TRDN: variants seen among roughly 807,000 people sequenced by gnomAD.
TRDN encodes the protein triadin in skeletal muscle.
Under a neutral mutation model 149.7 loss-of-function variants are expected in TRDN, and 161 were observed. The observed-to-expected ratio is 1.08, with a 90% confidence interval of 0.95 to 1.23. The LOEUF (loss-of-function observed/expected upper bound fraction) is 1.23, where lower values mean the gene tolerates loss of function less well. Among genes scored for constraint, TRDN ranks in the 50% most tolerant of loss-of-function variants. The pLI, the probability that TRDN is intolerant of heterozygous loss-of-function variation, is 0.00. For synonymous variants in TRDN, 294 were observed against 250.5 expected (o/e 1.17, Z -1.64); for missense variants, 896 against 823.5 (o/e 1.09, Z -1.08).
intron 38 of TRDN, among the ~76,000 whole-genome samples, chr6:123,225,238 G>A (rs1304064218): frequency 3.3e-5 from 5 of 151,610 alleles, no homozygotes; most frequent in African/African-American, 1.2e-4. Flanking sequence ...GAGATGTGCT[G>A]GTGAGGATTT....
chr6:123,513,509 T>A (rs1482585721), intron 6 of TRDN, among the ~76,000 whole-genome samples: 1 of 152,122 alleles, frequency 6.6e-6, no homozygotes, highest in Non-Finnish European at 1.5e-5. Context: ...AGCAGATTAT[T>A]TCATTGAGTC....
chr6:123,566,217 T>C (rs1782288483), intron 2 of TRDN, among the ~76,000 whole-genome samples: 1 of 152,234 alleles, frequency 6.6e-6, no homozygotes, highest in South Asian at 2.1e-4. Context: ...TTGTCTCATT[T>C]GATAAGAAGA....
chr6:123,351,777 T>C (rs1435377768), intron 21 of TRDN: 1 of 919,456 alleles, frequency 1.1e-6, no homozygotes, highest in Non-Finnish European at 1.3e-6. Context: ...TTATTGCAAG[T>C]TCTAATTTAA....
intron 38 of TRDN, among the ~76,000 whole-genome samples, chr6:123,234,273 A>G (rs889985063): frequency 2.9e-4 from 44 of 152,252 alleles, no homozygotes; most frequent in African/African-American, 9.4e-4. Flanking sequence ...AACAGAAGTC[A>G]TTTTATAAAA....
Position 123,555,246 on chromosome 6 carries a change from T to A in TRDN, c.233-6634A>T, listed in dbSNP as rs139088441. Among the ~76,000 whole-genome samples, 960 of 152,290 alleles carry A rather than the reference T, an allele frequency of 6.3e-3. 13 individuals carry two copies. Among genetic ancestry groups the A allele is most frequent in the African/African-American group, 0.021 (887 of 41,576 alleles). On this transcript the variant is annotated intron_variant, in intron 2 of 40. Transcript: ENST00000334268. ...TCACTGATGTTAGAACTGCCGTTTTTAATTTTGTCATCACGGTGGAAGAGA... is the reference window on the plus strand; with the variant it reads ...TCACTGATGTTAGAACTGCCGTTTTAAATTTTGTCATCACGGTGGAAGAGA...
At chr6:123,271,055 G>GTA in intron 30 of TRDN, 84 bp downstream of exon 30, 1 of 717,894 alleles carries the variant, frequency 1.4e-6, no homozygotes. Flanking sequence ...GTGTGTGTGT[G>GTA]TGTGTGTGTC....
Position 123,308,917 on chromosome 6 carries a change from TA to T in TRDN, c.1510+7539del, listed in dbSNP as rs533903231. Among the ~76,000 whole-genome samples the T allele has an allele frequency of 3.9e-5, 6 of 152,154 alleles. No individual in the cohort carries two copies. In the South Asian group the frequency reaches 1.2e-3, roughly 32 times the overall value. Reference sequence around the variant, plus strand: ...CAAAGCTGAGTGATTTTTTAAAACTTAAAAAATCATTTACTGAACATTAGTC... The same window carrying T: ...CAAAGCTGAGTGATTTTTTAAAACTTAAAAATCATTTACTGAACATTAGTC... On this transcript the variant is annotated intron_variant, in intron 24 of 40. Transcript: ENST00000334268.
chr6:123,558,456 T>C (rs554997762), intron 2 of TRDN, among the ~76,000 whole-genome samples: 8 of 152,272 alleles, frequency 5.3e-5, no homozygotes, highest in African/African-American at 1.9e-4. Context: ...AAAAGGTGGC[T>C]GGAGCTAAAA....
chr6:123,559,677 A>G (rs1381626457), intron 2 of TRDN, among the ~76,000 whole-genome samples: 3 of 152,214 alleles, frequency 2.0e-5, no homozygotes, highest in Admixed American at 1.3e-4. Context: ...CTGCTACAGC[A>G]TGGCTTTTAA....
chr6:123,633,897 ATC>A (rs1403938868), intron 1 of TRDN, among the ~76,000 whole-genome samples: 11 of 152,114 alleles, frequency 7.2e-5, no homozygotes, highest in African/African-American at 2.6e-4. Context: ...TTATCCTCAG[ATC>A]TCTCCTAATT....
chr6:123,264,874 T>C (rs2114597589), intron 33 of TRDN, among the ~76,000 whole-genome samples: 1 of 152,172 alleles, frequency 6.6e-6, no homozygotes, highest in Middle Eastern at 3.4e-3. Context: ...AATTAAGCTA[T>C]GTACATTTTT....
At chr6:123,365,333 A>G (rs1233473420) in intron 20 of TRDN, among the ~76,000 whole-genome samples, 1 of 147,888 alleles carries the variant, frequency 6.8e-6, no homozygotes, top group Non-Finnish European at 1.5e-5. Context: ...ACATTAATTT[A>G]TACTGTATCA....
intron 38 of TRDN, among the ~76,000 whole-genome samples, chr6:123,228,877 AG>A (rs887053116): frequency 1.3e-5 from 2 of 151,846 alleles, no homozygotes; most frequent in African/African-American, 2.4e-5. Flanking sequence ...TTAAAATGAG[AG>A]GGGGTGCTAA....
chr6:123,482,756 T>C (rs1777801961), intron 9 of TRDN, among the ~76,000 whole-genome samples: 1 of 152,152 alleles, frequency 6.6e-6, no homozygotes, highest in Admixed American at 6.5e-5. Flanking sequence ...AAATTGGAAT[T>C]GGAATTGTGC....
At chr6:123,293,491 G>A (rs1016932207) in intron 24 of TRDN, among the ~76,000 whole-genome samples, 1 of 152,092 alleles carries the variant, frequency 6.6e-6, no homozygotes, top group African/African-American at 2.4e-5. Context: ...TTGTAAGTTA[G>A]GAGACCATAT....
chr6:123,486,758 A>T (rs1777990961), intron 9 of TRDN, among the ~76,000 whole-genome samples: 2 of 152,082 alleles, frequency 1.3e-5, no homozygotes, highest in East Asian at 1.9e-4. Context: ...CCTTGGCTTC[A>T]TGAGGGCAGG....
Position 123,627,376 on chromosome 6 carries a change from T to C in TRDN, c.22+9378A>G, listed in dbSNP as rs541997923. Reference sequence around the variant, plus strand: ...AGCTCTTGGGTGACCAGGTGCATTGTCAATAAGCAGAAATACTTTGGAAGA... The same window carrying C: ...AGCTCTTGGGTGACCAGGTGCATTGCCAATAAGCAGAAATACTTTGGAAGA... On this transcript the variant is annotated intron_variant, in intron 1 of 40. Coordinates refer to ENST00000334268, the MANE Select transcript of TRDN (RefSeq NM_006073.4). 3.3e-5 allele frequency among the ~76,000 whole-genome samples: 5 copies of C among 152,308 alleles called. No homozygotes were observed. In the South Asian group the frequency reaches 1.0e-3, roughly 32 times the overall value.
At chr6:123,271,330 A>G (rs1777199393) in intron 29 of TRDN, 144 bp from the exon 30 acceptor site, 1 of 520,668 alleles carries the variant, frequency 1.9e-6, no homozygotes, top group Non-Finnish European at 3.4e-6. Flanking sequence ...AACATCTTCT[A>G]TTCAAATTGG....
intron 5 of TRDN, among the ~76,000 whole-genome samples, chr6:123,517,335 G>GCATAT (rs1467230518): frequency 1.3e-5 from 2 of 151,918 alleles, no homozygotes; most frequent in Non-Finnish European, 2.9e-5. Flanking sequence ...TCTCTTTTGG[G>GCATAT]CATATTATTA....
Sources: gnomAD v4.1 joint callset for allele counts (sites outside exome capture counted in the v4.1 genomes callset) on GRCh38, gnomAD v4.1.1 for gene constraint, MANE v1.5 for transcripts, NCBI Gene and HGNC (gene_info 2026-07-23, HGNC 2026-07-21) for gene names.